NUSAP1: variants seen among roughly 807,000 people sequenced by gnomAD.
The protein encoded by NUSAP1 is nucleolar and spindle associated protein 1, also known as nucleolar and spindle-associated protein 1.
Under a neutral mutation model 52.8 loss-of-function variants are expected in NUSAP1, and 32 were observed. The observed-to-expected ratio is 0.61, with a 90% confidence interval of 0.46 to 0.81. The LOEUF is 0.81. Among genes scored for constraint, NUSAP1 ranks in the 40% least tolerant of loss-of-function variants. The pLI is 0.00. For synonymous variants in NUSAP1, 195 were observed against 183.1 expected (o/e 1.06, Z -0.52); for missense variants, 499 against 522.3 (o/e 0.96, Z 0.43).
intron 10 of NUSAP1, among the ~76,000 whole-genome samples, chr15:41,377,534 C>T (rs954949375): frequency 6.6e-6 from 1 of 150,950 alleles, no homozygotes; most frequent in Middle Eastern, 3.4e-3. Context: ...CCCGTCTCTA[C>T]TAAAAATACA....
At chr15:41,335,960 T>C (rs1210324327) in intron 1 of NUSAP1, among the ~76,000 whole-genome samples, 1 of 151,080 alleles carries the variant, frequency 6.6e-6, no homozygotes, top group East Asian at 1.9e-4. Flanking sequence ...TAGTATGATA[T>C]TATTAAAAAT....
chr15:41,351,193 G>A, intron 4 of NUSAP1, 64 bp downstream of exon 4: 1 of 1,526,600 alleles, frequency 6.6e-7, no homozygotes, highest in Non-Finnish European at 8.9e-7. Context: ...AAGTAGCCAG[G>A]TACATTAATT....
chr15:41,380,053 G>A, intron 10 of NUSAP1, 40 bp from the exon 11 acceptor site: 1 of 1,445,970 alleles, frequency 6.9e-7, no homozygotes, highest in South Asian at 1.3e-5. Context: ...ATCTGTTTTG[G>A]AGCCTCCCTA....
At chr15:41,333,210 T>A (rs1051124959) in intron 1 of NUSAP1, among the ~76,000 whole-genome samples, 160 bp downstream of exon 1, 1 of 152,188 alleles carries the variant, frequency 6.6e-6, no homozygotes. Context: ...GTTAGAACTC[T>A]GATAAACGGA....
Position 41,380,099 on chromosome 15 carries a change from G to A in NUSAP1, c.1239G>A (p.Glu413=), listed in dbSNP as rs1349906755. 6.3e-7 allele frequency: 1 copy of A among 1,578,514 alleles called. No individual in the cohort carries two copies. Among genetic ancestry groups the A allele is most frequent in the South Asian group, 1.2e-5 (1 of 85,790 alleles). ...YKQPHLQTKE[E]QRKKREQERK... The stretch of plus-strand genomic sequence containing the variant: ...TGTGACCTATCCCTCTCAGGGAAGA[G>A]CAACGGAAGAAACGCGAGCAAGAAC... Residue 413 remains glutamate (E), a synonymous_variant, in exon 11 of 11, where the codon GAG becomes GAA. Coordinates refer to ENST00000559596, the MANE Select transcript of NUSAP1 (RefSeq NM_016359.5).
intron 6 of NUSAP1, 99 bp from the exon 7 acceptor site, chr15:41,365,303 C>T (rs2049349816): frequency 2.0e-6 from 2 of 979,296 alleles, no homozygotes; most frequent in African/African-American, 3.3e-5. Flanking sequence ...ACTATAGGCA[C>T]ATGCCACAAC....
At chr15:41,371,958 C>T (rs2049716553) in intron 8 of NUSAP1, among the ~76,000 whole-genome samples, 1 of 151,918 alleles carries the variant, frequency 6.6e-6, no homozygotes, top group South Asian at 2.1e-4. Flanking sequence ...TTAATAGAGA[C>T]AGTTTCACCA....
chr15:41,361,497 G>C (rs530212680), intron 6 of NUSAP1, among the ~76,000 whole-genome samples: 2 of 152,198 alleles, frequency 1.3e-5, no homozygotes, highest in Admixed American at 6.5e-5. Context: ...TAGGCCGAAG[G>C]ATCACTTGAG....
chr15:41,344,964 C>T (rs1333564663), intron 2 of NUSAP1, among the ~76,000 whole-genome samples: 3 of 151,994 alleles, frequency 2.0e-5, no homozygotes, highest in Admixed American at 1.3e-4. Flanking sequence ...AAAAAACCAC[C>T]GCACTTATTT....
At chr15:41,363,321 G>A (rs1428148946) in intron 6 of NUSAP1, among the ~76,000 whole-genome samples, 3 of 147,442 alleles carry the variant, frequency 2.0e-5, no homozygotes, top group Non-Finnish European at 4.5e-5. Flanking sequence ...CTGTCTGTGT[G>A]TGTGTCTCTC....
intron 4 of NUSAP1, among the ~76,000 whole-genome samples, chr15:41,354,771 C>G (rs1383568586): frequency 6.6e-6 from 1 of 151,410 alleles, no homozygotes; most frequent in African/African-American, 2.4e-5. Context: ...GTAATCCCAG[C>G]ACTTTGGGAG....
chr15:41,333,758 G>A lies in NUSAP1; in HGVS notation c.93+708G>A, dbSNP rs189339883. ...CCTTAAAAAATTAGCCGGGCGTGGT[G>A]GCACACGCCTGTGATCCAAGCTTTT... On this transcript the variant is annotated intron_variant, in intron 1 of 10. Coordinates refer to ENST00000559596, the MANE Select transcript of NUSAP1 (RefSeq NM_016359.5). Among the ~76,000 whole-genome samples the A allele has an allele frequency of 9.9e-5, 15 of 152,274 alleles. No individual in the cohort carries two copies. In the East Asian group the frequency reaches 2.1e-3, roughly 22 times the overall value.
intron 1 of NUSAP1, among the ~76,000 whole-genome samples, chr15:41,338,848 C>T (rs1157908349): frequency 6.6e-6 from 1 of 151,892 alleles, no homozygotes; most frequent in Non-Finnish European, 1.5e-5. Flanking sequence ...GCCTATAATC[C>T]CAACTACTCG....
chr15:41,358,377 T>A lies in NUSAP1; in HGVS notation c.660+119T>A, dbSNP rs546751024. On this transcript the variant is annotated intron_variant, in intron 6 of 10. Coordinates refer to ENST00000559596, the MANE Select transcript of NUSAP1 (RefSeq NM_016359.5). ...CTCTACCAGTAGATTTGTTTGAATT[T>A]AATATATCTTTATCTAAAACTTGCT... 14 of 594,096 alleles carry A rather than the reference T, an allele frequency of 2.4e-5. No individual in the cohort carries two copies. In the South Asian group the frequency reaches 2.9e-4, roughly 12 times the overall value. 36.8% of individuals were successfully genotyped at this position (594,096 alleles called of 1,614,324 possible).
At chr15:41,372,289 T>G (rs2140837294) in intron 8 of NUSAP1, among the ~76,000 whole-genome samples, 1 of 152,254 alleles carries the variant, frequency 6.6e-6, no homozygotes, top group Non-Finnish European at 1.5e-5. Context: ...CAGTATTCGT[T>G]GCAGCCTCGG....
chr15:41,371,273 C>G (rs549844134), intron 7 of NUSAP1, among the ~76,000 whole-genome samples: 5 of 152,254 alleles, frequency 3.3e-5, no homozygotes, highest in African/African-American at 1.2e-4. Context: ...TCCTCCATCA[C>G]CATCATTGTC....
At chr15:41,354,670 GAT>G (rs10541882) in intron 4 of NUSAP1, among the ~76,000 whole-genome samples, 72,527 of 145,856 alleles carry the variant, frequency 0.5, 19,696 homozygotes, top group African/African-American at 0.74. Context: ...TGTTTTAACC[GAT>G]ATATATATAT....
intron 1 of NUSAP1, among the ~76,000 whole-genome samples, chr15:41,334,515 G>T (rs1297458690): frequency 6.6e-6 from 1 of 152,164 alleles, no homozygotes; most frequent in African/African-American, 2.4e-5. Flanking sequence ...GTGGTTAGTG[G>T]CTCCTCTATA....
intron 10 of NUSAP1, among the ~76,000 whole-genome samples, chr15:41,377,553 G>T (rs1316097163): frequency 6.6e-6 from 1 of 151,552 alleles, no homozygotes; most frequent in African/African-American, 2.4e-5. Flanking sequence ...CAAAAAATTA[G>T]CTGGGCATGG....
Sources: gnomAD v4.1 joint callset for allele counts (sites outside exome capture counted in the v4.1 genomes callset) on GRCh38, gnomAD v4.1.1 for gene constraint, MANE v1.5 for transcripts, NCBI Gene and HGNC (gene_info 2026-07-23, HGNC 2026-07-21) for gene names.